SCOC: variants seen among roughly 807,000 people sequenced by gnomAD.
SCOC encodes short coiled coil protein.
Under a neutral mutation model 9.9 loss-of-function variants are expected in SCOC, and 7 were observed. The ratio of observed to expected loss-of-function variants is 0.71; its 90% CI spans 0.40 to 1.33. The LOEUF is 1.33. SCOC is among the 40% of genes most tolerant of loss of function. The pLI is 0.01. For synonymous variants in SCOC, 19 were observed against 28.2 expected (o/e 0.67, Z 1.03); for missense variants, 66 against 89.7 (o/e 0.74, Z 1.07).
chr4:140,339,853 G>A (rs1324040003), upstream of SCOC, among the ~76,000 whole-genome samples: 2 of 152,110 alleles, frequency 1.3e-5, no homozygotes, highest in African/African-American at 4.8e-5. Flanking sequence ...ACTGTTGGTG[G>A]GACTGCAAAC....
At chr4:140,341,660 C>T (rs1362335833), upstream of SCOC, among the ~76,000 whole-genome samples, 1 of 152,162 alleles carries the variant, frequency 6.6e-6, no homozygotes, top group Non-Finnish European at 1.5e-5. Context: ...AAAAGCAGCT[C>T]ATGTGGTTGC....
upstream of SCOC, among the ~76,000 whole-genome samples, chr4:140,340,890 C>G: frequency 6.7e-6 from 1 of 148,456 alleles, no homozygotes; most frequent in South Asian, 2.2e-4. Context: ...CTCCCGGGTT[C>G]AAGCAATTCT....
At chr4:140,294,276 T>A (rs1731559196) in intron 1 of SCOC, among the ~76,000 whole-genome samples, 1 of 152,162 alleles carries the variant, frequency 6.6e-6, no homozygotes, top group African/African-American at 2.4e-5. Flanking sequence ...GTAGTGTCAC[T>A]ACCAAGGAAA....
chr4:140,301,426 C>T (rs747740849), intron 1 of SCOC, among the ~76,000 whole-genome samples: 4 of 152,146 alleles, frequency 2.6e-5, no homozygotes, highest in Admixed American at 6.5e-5. Flanking sequence ...CCAACACACT[C>T]TTCACTGCTA....
upstream of SCOC, among the ~76,000 whole-genome samples, chr4:140,339,882 A>C (rs1560708434): frequency 6.6e-6 from 1 of 152,234 alleles, no homozygotes; most frequent in Non-Finnish European, 1.5e-5. Flanking sequence ...CCATTGTGGA[A>C]GACAGTGTGG....
At chr4:140,367,830 T>C (rs1727867621) in intron 2 of SCOC, among the ~76,000 whole-genome samples, 1 of 152,212 alleles carries the variant, frequency 6.6e-6, no homozygotes, top group African/African-American at 2.4e-5. Flanking sequence ...AAATATGCTT[T>C]GAGAACCTGT....
At chr4:140,327,745 T>C (rs140632278) in intron 1 of SCOC, among the ~76,000 whole-genome samples, 1 of 152,368 alleles carries the variant, frequency 6.6e-6, no homozygotes, top group Non-Finnish European at 1.5e-5. Context: ...ATCCAACACT[T>C]TGCTGTATTC....
intron 1 of SCOC, among the ~76,000 whole-genome samples, chr4:140,306,951 C>T (rs779018894): frequency 6.6e-6 from 1 of 152,148 alleles, no homozygotes; most frequent in Admixed American, 6.5e-5. Flanking sequence ...GTCTGAATGT[C>T]TGTGTCCTCC....
At chr4:140,355,228 T>TATATATATATATATATATG (rs1727171849) in intron 2 of SCOC, among the ~76,000 whole-genome samples, 1 of 128,768 alleles carries the variant, frequency 7.8e-6, no homozygotes, top group African/African-American at 2.9e-5. Context: ...TATATATATA[T>TATATATATATATATATATG]ATATATATAT....
At chr4:140,331,099 T>G (rs1732804215) in intron 1 of SCOC, among the ~76,000 whole-genome samples, 1 of 152,154 alleles carries the variant, frequency 6.6e-6, no homozygotes, top group South Asian at 2.1e-4. Flanking sequence ...TGGGCAATGG[T>G]GGCTCCAAGG....
In SCOC at chr4:140,264,938, CTAT is replaced by C. The variant is rs148874261; in HGVS notation, c.-19+7532_-19+7534del. On this transcript the variant is annotated intron_variant, in intron 1 of 4. Coordinates refer to the SCOC transcript ENST00000394205. The stretch of plus-strand genomic sequence containing the variant: ...TGACCTGTCGGAGCTGCATTTGTAA[CTAT>C]TATGTTTCTAAGGCCTCTACGCATC... 5.3e-3 allele frequency among the ~76,000 whole-genome samples: 811 copies of C among 152,218 alleles called. 3 individuals are homozygous for C. Among genetic ancestry groups the C allele is most frequent in the African/African-American group, 0.018 (763 of 41,534 alleles).
At chr4:140,366,469 G>A in intron 2 of SCOC, 1 of 1,544,170 alleles carries the variant, frequency 6.5e-7, no homozygotes, top group Non-Finnish European at 8.9e-7. Flanking sequence ...TTGGAGAGCT[G>A]CCTTTTGAAG....
intron 1 of SCOC, among the ~76,000 whole-genome samples, chr4:140,277,510 T>G (rs948665421): frequency 6.6e-6 from 1 of 152,332 alleles, no homozygotes; most frequent in East Asian, 1.9e-4. Context: ...GGAAGTCTTG[T>G]GGGATGTATA....
intron 1 of SCOC, among the ~76,000 whole-genome samples, chr4:140,308,945 G>A (rs370465037): frequency 1.3e-4 from 20 of 152,290 alleles, no homozygotes; most frequent in African/African-American, 4.1e-4. Context: ...TCTAGCCACA[G>A]CCCCAGTGTT....
intron 1 of SCOC, among the ~76,000 whole-genome samples, chr4:140,271,879 G>C (rs1184614357): frequency 6.6e-6 from 1 of 152,088 alleles, no homozygotes; most frequent in African/African-American, 2.4e-5. Flanking sequence ...ACACTAGAGA[G>C]AGCAGAGGAG....
At position 140,359,943 on chromosome 4, in the gene SCOC, C is replaced by T. The variant is rs1339859597; in HGVS notation, c.70+16235C>T. Among the ~76,000 whole-genome samples the T allele has an allele frequency of 6.6e-5, 10 of 152,186 alleles. 1 individual carries two copies. The stretch of plus-strand genomic sequence containing the variant: ...TAGTCGCTTGGGTTCTACTACCAGG[C>T]AGGCAGTGTGCTAGAGTCAGAAGAC... On this transcript the variant is annotated intron_variant, in intron 2 of 4. Coordinates refer to the SCOC transcript ENST00000338517.
chr4:140,329,765 T>G (rs1732755817), intron 1 of SCOC, among the ~76,000 whole-genome samples: 1 of 152,112 alleles, frequency 6.6e-6, no homozygotes, highest in Admixed American at 6.6e-5. Flanking sequence ...ACCTCGCTCC[T>G]GCAAGTATGG....
chr4:140,369,757 T>C (rs1182601886), upstream of SCOC, among the ~76,000 whole-genome samples: 2 of 151,894 alleles, frequency 1.3e-5, no homozygotes, highest in African/African-American at 2.4e-5. Flanking sequence ...AATATTCACA[T>C]AGTCCAGGTC....
At chr4:140,351,929 A>G (rs1305702950) in intron 2 of SCOC, among the ~76,000 whole-genome samples, 1 of 152,180 alleles carries the variant, frequency 6.6e-6, no homozygotes, top group Non-Finnish European at 1.5e-5. Flanking sequence ...TCTGATATGA[A>G]TGGAGCCAGT....
Sources: gnomAD v4.1 joint callset for allele counts (sites outside exome capture counted in the v4.1 genomes callset) on GRCh38, gnomAD v4.1.1 for gene constraint, MANE v1.5 for transcripts, NCBI Gene and HGNC (gene_info 2026-07-23, HGNC 2026-07-21) for gene names.